The following GPR137B variants were observed in gnomAD, a reference collection of about 807,000 sequenced individuals.
GPR137B encodes the protein G protein-coupled receptor 137B.
In GPR137B, 42 loss-of-function variants were observed where a neutral mutation model predicts 42.5. That is an observed-to-expected ratio of 0.99 (90% CI 0.77 to 1.28). The LOEUF (loss-of-function observed/expected upper bound fraction) is 1.28, where lower values mean the gene tolerates loss of function less well. Ranked by LOEUF, GPR137B falls within the 50% of genes most tolerant of loss-of-function variation. The probability of loss-of-function intolerance (pLI) is 0.00; values close to 1 mark genes in which losing one functional copy is unlikely to be tolerated. For missense variants in GPR137B, 487 were observed against 493.9 expected, an observed-to-expected ratio of 0.99 and a Z score of 0.13; for synonymous variants, 218 against 209.7, an observed-to-expected ratio of 1.04 and a Z score of -0.34.
At chr1:236,197,717 G>C (rs913023715) in intron 5 of GPR137B, among the ~76,000 whole-genome samples, 15 of 151,960 alleles carry the variant, frequency 9.9e-5, no homozygotes, top group Non-Finnish European at 5.9e-5. Context: ...CTTATTTCTG[G>C]GTTCTCTATT....
At chr1:236,162,286 G>A (rs7549867) in intron 1 of GPR137B, among the ~76,000 whole-genome samples, 28,394 of 152,098 alleles carry the variant, frequency 0.19, 2,884 homozygotes, top group East Asian at 0.35. Context: ...AGAAATTTCT[G>A]AGCAGCAAAG....
Position 236,142,589 on chromosome 1 carries a change from A to AC in GPR137B, c.-29dup. The AC allele has an allele frequency of 8.1e-7, 1 of 1,241,208 alleles. No individual in the cohort carries two copies. The highest frequency in any genetic ancestry group is 1.0e-6 in the Non-Finnish European group (1 of 981,516). 76.9% of individuals were successfully genotyped at this position (1,241,208 alleles called of 1,614,324 possible). On this transcript the variant is annotated 5_prime_UTR_variant, in exon 1 of 7. It introduces an in-frame stop codon into an upstream open reading frame of the 5' UTR. Coordinates refer to ENST00000366592, the MANE Select transcript of GPR137B (RefSeq NM_003272.4). ...TGCAGGCTGAGCGCGATGCGCGGAG[A>AC]CCCCCGCGGGGGCGGCGGCGGCCGT...
intron 1 of GPR137B, among the ~76,000 whole-genome samples, chr1:236,146,027 T>G (rs1413430933): frequency 6.6e-6 from 1 of 152,082 alleles, no homozygotes; most frequent in Non-Finnish European, 1.5e-5. Flanking sequence ...CTGGCTAATT[T>G]TTGTATTTTT....
At chr1:236,188,168 A>T (rs539168948) in intron 5 of GPR137B, among the ~76,000 whole-genome samples, 105 of 152,250 alleles carry the variant, frequency 6.9e-4, no homozygotes, top group African/African-American at 2.1e-3. Context: ...TTGCACATTG[A>T]TTTTGTATCC....
At chr1:236,193,175 G>GT (rs757983543) in intron 5 of GPR137B, among the ~76,000 whole-genome samples, 8 of 152,130 alleles carry the variant, frequency 5.3e-5, no homozygotes, top group Non-Finnish European at 7.4e-5. Flanking sequence ...GATTACAGGT[G>GT]TGAGCCACTG....
At chr1:236,154,293 C>CT (rs5781861) in intron 1 of GPR137B, among the ~76,000 whole-genome samples, 45,493 of 151,970 alleles carry the variant, frequency 0.3, 8,709 homozygotes, top group African/African-American at 0.52. Flanking sequence ...GTAACTCCCA[C>CT]CCTGCGCCCT....
At chr1:236,176,840 C>T (rs1241689086) in intron 2 of GPR137B, among the ~76,000 whole-genome samples, 4 of 152,092 alleles carry the variant, frequency 2.6e-5, no homozygotes, top group Admixed American at 1.3e-4. Flanking sequence ...TCATTTTCCA[C>T]GGGACTTTCT....
At chr1:236,192,892 T>G (rs541514171) in intron 5 of GPR137B, among the ~76,000 whole-genome samples, 3 of 124,252 alleles carry the variant, frequency 2.4e-5, no homozygotes, top group Non-Finnish European at 1.6e-5. Flanking sequence ...TTCAAGCTTT[T>G]TTTGTTTGTT....
At chr1:236,180,076 A>G (rs370974708) in intron 4 of GPR137B, 48 bp downstream of exon 4, 1 of 1,522,844 alleles carries the variant, frequency 6.6e-7, no homozygotes, top group Non-Finnish European at 9.1e-7. Context: ...GACTCTTGGT[A>G]TCCTCGAGGC....
At chr1:236,181,722 C>T (rs1298983154) in intron 4 of GPR137B, among the ~76,000 whole-genome samples, 4 of 152,050 alleles carry the variant, frequency 2.6e-5, no homozygotes, top group African/African-American at 9.7e-5. Flanking sequence ...CAAACCAACA[C>T]CACAAACACA....
intron 1 of GPR137B, among the ~76,000 whole-genome samples, chr1:236,163,302 T>C (rs947330539): frequency 5.3e-5 from 8 of 152,186 alleles, no homozygotes; most frequent in Non-Finnish European, 8.8e-5. Flanking sequence ...CTAGCTTGCT[T>C]TCGATTTTAC....
At chr1:236,181,336 ATT>A (rs60201223) in intron 4 of GPR137B, among the ~76,000 whole-genome samples, 10,223 of 147,344 alleles carry the variant, frequency 0.069, 992 homozygotes, top group African/African-American at 0.22. Context: ...GACAAACAGC[ATT>A]TTTTTTTTTT....
intron 1 of GPR137B, among the ~76,000 whole-genome samples, chr1:236,151,519 G>A (rs1443671812): frequency 1.3e-5 from 2 of 149,210 alleles, no homozygotes; most frequent in Non-Finnish European, 2.9e-5. Context: ...TGCCTCCCAG[G>A]TTCAAGTGAT....
At chr1:236,197,637 C>T (rs538564303) in intron 5 of GPR137B, among the ~76,000 whole-genome samples, 2 of 152,258 alleles carry the variant, frequency 1.3e-5, no homozygotes, top group South Asian at 4.1e-4. Context: ...ATTTGTTGAA[C>T]AGGGTGTCCT....
rs889285881 is a variant in GPR137B, at chr1:236,142,752, G to C, written c.130G>C (p.Gly44Arg). The change falls in exon 1 of 7, where the codon GGC becomes CGC. Residue 44 changes from glycine to arginine, a missense_variant. Coordinates refer to ENST00000366592, the MANE Select transcript of GPR137B (RefSeq NM_003272.4). ...TPAVPPYVKL[G>R]LTVVYTVFYA... The stretch of plus-strand genomic sequence containing the variant: ...GGCCGTGCCCCCCTACGTGAAGCTT[G>C]GCCTCACCGTCGTCTACACCGTGTT... The C allele has an allele frequency of 5.6e-6, 9 of 1,612,570 alleles. No homozygotes were observed. Among genetic ancestry groups the C allele is most frequent in the Non-Finnish European group, 7.6e-6 (9 of 1,179,816 alleles).
Position 236,208,061 on chromosome 1 carries a change from A to G in GPR137B, c.1103A>G (p.Asp368Gly), listed in dbSNP as rs1256433335. ...PQGLQGGFAP[D>G]YYDWGQQTNS... ...TTTTTCTTTTTAAGTTTTGCTCCAG[A>G]TTACTATGATTGGGGACAACAAACT... is the stretch of plus-strand genomic sequence containing the variant. The change falls in exon 7 of 7, where the codon GAT becomes GGT. Residue 368 changes from aspartate (D) to glycine (G), a missense_variant. Coordinates refer to ENST00000366592, the MANE Select transcript of GPR137B (RefSeq NM_003272.4). 1 of 1,611,970 alleles carries G rather than the reference A, an allele frequency of 6.2e-7. No homozygotes were observed. Among genetic ancestry groups the G allele is most frequent in the South Asian group, 1.1e-5 (1 of 91,028 alleles).
intron 5 of GPR137B, among the ~76,000 whole-genome samples, chr1:236,197,193 T>C (rs1396082371): frequency 6.6e-6 from 1 of 152,150 alleles, no homozygotes; most frequent in Non-Finnish European, 1.5e-5. Flanking sequence ...CTTTTGAGAA[T>C]TGTCTATTCA....
At chr1:236,175,959 C>T (rs924559022) in intron 2 of GPR137B, among the ~76,000 whole-genome samples, 2 of 152,148 alleles carry the variant, frequency 1.3e-5, no homozygotes, top group Admixed American at 6.5e-5. Flanking sequence ...GTTGAATGCA[C>T]AGTGTTCCAT....
intron 2 of GPR137B, among the ~76,000 whole-genome samples, chr1:236,172,040 C>CAA (rs554280420): frequency 0.032 from 2,342 of 72,444 alleles, 57 homozygotes; most frequent in African/African-American, 0.079. Context: ...AACTCCATCT[C>CAA]AAAAAAAAAA....
Sources: gnomAD v4.1 joint callset for allele counts (sites outside exome capture counted in the v4.1 genomes callset) on GRCh38, gnomAD v4.1.1 for gene constraint, MANE v1.5 for transcripts, NCBI Gene and HGNC (gene_info 2026-07-23, HGNC 2026-07-21) for gene names.